TRPS1: variants seen among roughly 807,000 people sequenced by gnomAD.
TRPS1 encodes transcriptional repressor GATA binding 1.
TRPS1 carries 6 observed loss-of-function variants against 101.2 expected under a neutral mutation model. That is an observed-to-expected ratio of 0.06 (90% CI 0.03 to 0.12). The LOEUF (loss-of-function observed/expected upper bound fraction) is 0.12, where lower values mean the gene tolerates loss of function less well. TRPS1 is among the 10% of genes least tolerant of loss of function. The pLI, the probability that TRPS1 is intolerant of heterozygous loss-of-function variation, is 1.00. For missense variants in TRPS1, 1,363 were observed against 1,567.0 expected, an observed-to-expected ratio of 0.87 and a Z score of 2.20; for synonymous variants, 578 against 589.8, an observed-to-expected ratio of 0.98 and a Z score of 0.29.
At chr8:115,498,012 G>A (rs1051625510) in intron 5 of TRPS1, among the ~76,000 whole-genome samples, 17 of 152,026 alleles carry the variant, frequency 1.1e-4, no homozygotes, top group Non-Finnish European at 2.2e-4. Context: ...AAAAGAACTC[G>A]AAAAACAATG....
At chr8:115,579,246 G>T (rs1817389695) in intron 5 of TRPS1, among the ~76,000 whole-genome samples, 1 of 151,990 alleles carries the variant, frequency 6.6e-6, no homozygotes, top group African/African-American at 2.4e-5. Flanking sequence ...AATATTTTTT[G>T]TAATGCTTTC....
chr8:115,625,737 T>C (rs776469085), intron 1 of TRPS1, among the ~76,000 whole-genome samples: 3 of 151,954 alleles, frequency 2.0e-5, no homozygotes, highest in Non-Finnish European at 4.4e-5. Context: ...TAAACAAATA[T>C]GTGTGTGCAT....
chr8:115,424,865 T>C (rs910106525), intron 5 of TRPS1, among the ~76,000 whole-genome samples: 1 of 152,238 alleles, frequency 6.6e-6, no homozygotes, highest in Non-Finnish European at 1.5e-5. Context: ...TATTCAATAA[T>C]TGTTGATATT....
At chr8:115,647,693 A>G (rs1181595891) in intron 1 of TRPS1, among the ~76,000 whole-genome samples, 12 of 152,202 alleles carry the variant, frequency 7.9e-5, no homozygotes, top group Admixed American at 7.9e-4. Flanking sequence ...AAAGTACATG[A>G]CTAACTTAAA....
intron 6 of TRPS1, among the ~76,000 whole-genome samples, chr8:115,416,391 T>TA (rs1812919609): frequency 6.6e-6 from 1 of 151,500 alleles, no homozygotes; most frequent in Non-Finnish European, 1.5e-5. Context: ...TTAAATGGGC[T>TA]AAAGTCTGAT....
At chr8:115,610,887 C>T (rs371222891) in intron 3 of TRPS1, among the ~76,000 whole-genome samples, 1 of 151,942 alleles carries the variant, frequency 6.6e-6, no homozygotes, top group Admixed American at 6.6e-5. Flanking sequence ...GAGGCCAAGG[C>T]GGGCGGATCA....
At chr8:115,495,326 G>A (rs1274770539) in intron 5 of TRPS1, among the ~76,000 whole-genome samples, 1 of 151,910 alleles carries the variant, frequency 6.6e-6, no homozygotes, top group African/African-American at 2.4e-5. Context: ...AAAACAGTAA[G>A]CACTGTTTCA....
intron 5 of TRPS1, among the ~76,000 whole-genome samples, chr8:115,495,200 A>G (rs1215675068): frequency 2.0e-5 from 3 of 152,198 alleles, no homozygotes; most frequent in African/African-American, 7.2e-5. Flanking sequence ...AAATCTTTAA[A>G]GCTAAAGGAA....
chr8:115,568,168 T>C (rs1233246158), intron 5 of TRPS1, among the ~76,000 whole-genome samples: 1 of 151,768 alleles, frequency 6.6e-6, no homozygotes, highest in Non-Finnish European at 1.5e-5. Flanking sequence ...ATTATTGTAC[T>C]CCCCCAGCAA....
At chr8:115,456,281 C>A (rs1814023410) in intron 5 of TRPS1, among the ~76,000 whole-genome samples, 1 of 152,098 alleles carries the variant, frequency 6.6e-6, no homozygotes, top group Admixed American at 6.6e-5. Flanking sequence ...ACATCCTATT[C>A]TATGTTACGT....
At chr8:115,532,347 C>T (rs1816157541) in intron 5 of TRPS1, among the ~76,000 whole-genome samples, 1 of 151,680 alleles carries the variant, frequency 6.6e-6, no homozygotes, top group South Asian at 2.1e-4. Context: ...GAATCTATAA[C>T]CCAAAGACTT....
intron 4 of TRPS1, among the ~76,000 whole-genome samples, chr8:115,600,978 C>A (rs1817895027): frequency 6.6e-6 from 1 of 152,078 alleles, no homozygotes; most frequent in Non-Finnish European, 1.5e-5. Context: ...GTCCCTGTTG[C>A]TGACTAGATC....
intron 3 of TRPS1, among the ~76,000 whole-genome samples, chr8:115,613,153 G>C (rs1818207180): frequency 6.6e-6 from 1 of 152,058 alleles, no homozygotes; most frequent in Admixed American, 6.5e-5. Flanking sequence ...CCTTAATTTG[G>C]GGATCAAACA....
intron 5 of TRPS1, among the ~76,000 whole-genome samples, chr8:115,493,704 T>C (rs2130113969): frequency 6.6e-6 from 1 of 152,298 alleles, no homozygotes; most frequent in East Asian, 1.9e-4. Context: ...TCAATTTATA[T>C]TGTTAGAAAC....
chr8:115,657,483 CAAGTA>C (rs913462799), intron 1 of TRPS1, among the ~76,000 whole-genome samples: 2 of 152,032 alleles, frequency 1.3e-5, no homozygotes, highest in African/African-American at 4.8e-5. Flanking sequence ...CTACCAGAAA[CAAGTA>C]AACTCCTTAC....
At chr8:115,600,430 A>G (rs1200908470) in intron 4 of TRPS1, among the ~76,000 whole-genome samples, 1 of 152,210 alleles carries the variant, frequency 6.6e-6, no homozygotes, top group African/African-American at 2.4e-5. Flanking sequence ...GTGTTTAATT[A>G]TGCCAGAAGT....
chr8:115,576,879 T>G (rs1817331132), intron 5 of TRPS1, among the ~76,000 whole-genome samples: 1 of 152,182 alleles, frequency 6.6e-6, no homozygotes. Context: ...CAGTATTAGC[T>G]GGATAATAAA....
intron 5 of TRPS1, among the ~76,000 whole-genome samples, chr8:115,440,583 G>C (rs1459132933): frequency 6.6e-6 from 1 of 152,184 alleles, no homozygotes; most frequent in African/African-American, 2.4e-5. Context: ...TAAAAATATA[G>C]ATGTTTACAT....
chr8:115,622,086 C>T (rs561653824), intron 2 of TRPS1, among the ~76,000 whole-genome samples: 1 of 152,186 alleles, frequency 6.6e-6, no homozygotes, highest in Admixed American at 6.5e-5. Flanking sequence ...GGCGTTGAGG[C>T]AATGTAAACC....
Sources: allele counts gnomAD v4.1 joint callset (sites outside exome capture counted in the v4.1 genomes callset), GRCh38; gene constraint gnomAD v4.1.1; transcripts MANE v1.5; gene names NCBI Gene and HGNC (gene_info 2026-07-23, HGNC 2026-07-21).